The following SH3TC1 variants were observed in gnomAD, a reference collection of about 807,000 sequenced individuals.
SH3TC1 encodes SH3 domain and tetratricopeptide repeat-containing protein 1.
A neutral mutation model predicts 117.3 loss-of-function variants in SH3TC1; 135 were observed. That is an observed-to-expected ratio of 1.15 (90% confidence interval 1.00 to 1.33). The LOEUF is 1.33. Ranked by LOEUF, SH3TC1 falls within the 40% of genes most tolerant of loss-of-function variation. The pLI is 0.00. For missense variants in SH3TC1, 2,092 were observed against 1,794.3 expected, an observed-to-expected ratio of 1.17 and a Z score of -3.00; for synonymous variants, 898 against 816.9, an observed-to-expected ratio of 1.10 and a Z score of -1.69.
chr4:8,218,062 C>T (rs1241761580), intron 7 of SH3TC1, among the ~76,000 whole-genome samples: 1 of 152,138 alleles, frequency 6.6e-6, no homozygotes, highest in Non-Finnish European at 1.5e-5. Context: ...GTGCGGGGCT[C>T]CCTGGGGGCA....
chr4:8,184,866 TTTG>T, intron 1 of SH3TC1, among the ~76,000 whole-genome samples: 1 of 35,248 alleles, frequency 2.8e-5, no homozygotes, highest in Non-Finnish European at 9.1e-5. Context: ...AGTTAATTCT[TTTG>T]TCAATCTCAT....
upstream of SH3TC1, among the ~76,000 whole-genome samples, chr4:8,194,800 G>C (rs937877639): frequency 6.6e-6 from 1 of 152,168 alleles, no homozygotes; most frequent in Non-Finnish European, 1.5e-5. Context: ...CGAAGGAGTG[G>C]GTGTTAGGTT....
chr4:8,219,657 C>T (rs1719712595), intron 9 of SH3TC1, 127 bp downstream of exon 9: 2 of 1,071,686 alleles, frequency 1.9e-6, no homozygotes, highest in Non-Finnish European at 2.5e-6. Flanking sequence ...CTAGTCTCTT[C>T]CCTTGTCCTC....
chr4:8,227,012 C>T lies in SH3TC1; in HGVS notation c.1318C>T (p.Gln440Ter). The T allele has an allele frequency of 1.9e-6, 3 of 1,567,082 alleles. No homozygotes were observed. Among genetic ancestry groups the T allele is most frequent in the Non-Finnish European group, 2.6e-6 (3 of 1,156,008 alleles). ...IPPPCLSLEP[Q>*]ETLQKVKNVL... ...TCCACCTTGCCTGAGCCTGGAGCCA[C>T]AGGAGACCTTGCAGAAGGTGAAGAA... Residue 440 changes from glutamine to a stop codon, truncating the protein, a stop_gained, in exon 12 of 18, where the codon CAG becomes TAG. Coordinates refer to ENST00000245105, the MANE Select transcript of SH3TC1 (RefSeq NM_018986.5). LOFTEE classifies it high-confidence loss of function.
In SH3TC1 at chr4:8,209,253, T is replaced by C. The variant is rs1718448453; in HGVS notation, c.173-495T>C. ...CAAGGATCTCGAGATGGAGAGATGATCCCGGATGCTCCAGTGGGCCCTCCA... is the reference window on the plus strand; with the variant it reads ...CAAGGATCTCGAGATGGAGAGATGACCCCGGATGCTCCAGTGGGCCCTCCA... On this transcript the variant is annotated intron_variant, in intron 2 of 17. Transcript: ENST00000245105. The surrounding 1 kb of genome is among the most constrained non-coding windows in gnomAD (Gnocchi z 5.9). Among the ~76,000 whole-genome samples the C allele has an allele frequency of 6.6e-6, 1 of 152,324 alleles. No homozygotes were observed. Among genetic ancestry groups the C allele is most frequent in the Middle Eastern group, 3.4e-3 (1 of 294 alleles).
At chr4:8,201,079 C>T (rs760330584) in intron 1 of SH3TC1, among the ~76,000 whole-genome samples, 1 of 152,180 alleles carries the variant, frequency 6.6e-6, no homozygotes, top group Non-Finnish European at 1.5e-5. Context: ...CAAGCCAACC[C>T]TCCGGAGGTG....
At chr4:8,193,075 G>C (rs1311434106) in intron 1 of SH3TC1, among the ~76,000 whole-genome samples, 1 of 152,218 alleles carries the variant, frequency 6.6e-6, no homozygotes. Context: ...ACTGCTATCT[G>C]TCTGCTTTCC....
chr4:8,185,108 G>T (rs1717183870), intron 1 of SH3TC1, among the ~76,000 whole-genome samples: 1 of 151,742 alleles, frequency 6.6e-6, no homozygotes, highest in Admixed American at 6.6e-5. Context: ...GGCTGAGGCG[G>T]GTGGATCACT....
chr4:8,235,624 TGGCAGGGCAGAGCCCTCGCACCTGGA>T (rs965961008), intron 15 of SH3TC1, 69 bp downstream of exon 15: 33 of 1,484,650 alleles, frequency 2.2e-5, no homozygotes, highest in South Asian at 5.6e-5. Flanking sequence ...GGCACAGGTG[TGGCAGGGCAGAGCCCTCGCACCTGGA>T]GGCAGGGCCG....
At chr4:8,196,091 CG>C (rs1472792794), upstream of SH3TC1, among the ~76,000 whole-genome samples, 3 of 152,250 alleles carry the variant, frequency 2.0e-5, no homozygotes, top group African/African-American at 7.2e-5. The surrounding 1 kb of genome is among the most constrained non-coding windows in gnomAD (Gnocchi z 4.6). Context: ...GGACCCGGCA[CG>C]GGCATTTGTT....
chr4:8,194,496 C>T (rs1205103744), upstream of SH3TC1, among the ~76,000 whole-genome samples: 1 of 152,138 alleles, frequency 6.6e-6, no homozygotes, highest in Non-Finnish European at 1.5e-5. Context: ...GAGCTTGTTC[C>T]GCCCTCAGGG....
intron 1 of SH3TC1, chr4:8,204,755 G>A (rs1232277949): frequency 1.3e-5 from 2 of 155,992 alleles, no homozygotes; most frequent in African/African-American, 2.4e-5. Flanking sequence ...AGGGGGACTC[G>A]AATGTGTCCT....
intron 15 of SH3TC1, chr4:8,236,027 C>A (rs551866711): frequency 1.2e-5 from 6 of 521,640 alleles, no homozygotes; most frequent in African/African-American, 4.0e-5. Context: ...AGGCTCCCCC[C>A]AGTCAGACCC....
intron 7 of SH3TC1, 40 bp downstream of exon 7, chr4:8,217,207 C>T (rs1231824323): frequency 1.3e-5 from 21 of 1,559,310 alleles, no homozygotes; most frequent in Non-Finnish European, 1.7e-5. Flanking sequence ...CTGTTGGCCT[C>T]GCTGAGACTC....
At chr4:8,230,421 C>T (rs1405929402) in intron 12 of SH3TC1, among the ~76,000 whole-genome samples, 1 of 152,108 alleles carries the variant, frequency 6.6e-6, no homozygotes, top group African/African-American at 2.4e-5. Context: ...CAGGCGTGAG[C>T]CATGGTGCTC....
intron 1 of SH3TC1, among the ~76,000 whole-genome samples, chr4:8,182,872 A>G (rs1203313733): frequency 6.6e-6 from 1 of 152,148 alleles, no homozygotes; most frequent in African/African-American, 2.4e-5. Context: ...GCATCTCCGA[A>G]GCCTCAGTCC....
rs150501798 is a variant in SH3TC1 at position 8,237,492 on chromosome 4, G to T, written c.3575G>T (p.Arg1192Leu). 1 of 1,594,252 alleles carries T rather than the reference G, an allele frequency of 6.3e-7. No individual in the cohort carries two copies. The highest frequency in any genetic ancestry group is 1.3e-5 in the African/African-American group (1 of 74,228). ...SITLGDRLNE[R>L]VAYHRLAALQ... ...ACCCCAGGGGACCGGCTGAACGAGC[G>T]CGTGGCCTACCACCGGCTGGCCGCC... is the stretch of plus-strand genomic sequence containing the variant. The change falls in exon 17 of 18, where the codon CGC (arginine) becomes CTC (leucine). Residue 1192 changes from arginine (R) to leucine (L), a missense_variant. Coordinates refer to ENST00000245105, the MANE Select transcript of SH3TC1 (RefSeq NM_018986.5).
chr4:8,213,921 AT>A (rs1049287624), intron 4 of SH3TC1, among the ~76,000 whole-genome samples: 1 of 149,848 alleles, frequency 6.7e-6, no homozygotes, highest in African/African-American at 2.4e-5. Flanking sequence ...ACGGGGCCTT[AT>A]TTTTTGTCTC....
chr4:8,224,806 C>A (rs563006059), intron 10 of SH3TC1, among the ~76,000 whole-genome samples: 3 of 152,152 alleles, frequency 2.0e-5, no homozygotes, highest in African/African-American at 7.2e-5. Context: ...AAGCCGAGAG[C>A]GTGCTCCCCA....
Sources: gnomAD v4.1 joint callset for allele counts (sites outside exome capture counted in the v4.1 genomes callset) on GRCh38, gnomAD v4.1.1 for gene constraint, Gnocchi (gnomAD v3.1) non-coding constraint, MANE v1.5 for transcripts, NCBI Gene and HGNC (gene_info 2026-07-23, HGNC 2026-07-21) for gene names.